SH3D19: variants seen among roughly 807,000 people sequenced by gnomAD.
SH3D19 encodes the protein SH3 domain containing 19.
Under a neutral mutation model 112.1 loss-of-function variants are expected in SH3D19, and 58 were observed. The ratio of observed to expected loss-of-function variants is 0.52; its 90% CI spans 0.42 to 0.64. The LOEUF (loss-of-function observed/expected upper bound fraction) is 0.64. SH3D19 is among the 30% of genes least tolerant of loss of function. SH3D19 has a pLI of 0.00. For missense variants in SH3D19, 1,090 were observed against 1,263.4 expected (o/e 0.86, Z 2.08); for synonymous variants, 391 against 448.5 (o/e 0.87, Z 1.62).
intron 3 of SH3D19, among the ~76,000 whole-genome samples, chr4:151,186,525 C>T (rs1761805419): frequency 6.6e-6 from 1 of 152,136 alleles, no homozygotes; most frequent in African/African-American, 2.4e-5. Flanking sequence ...CCTCCACCTC[C>T]TGGGTTCAAG....
In SH3D19 at chr4:151,315,554, T is replaced by G. The variant is rs572143102; in HGVS notation, c.112+9687A>C. On this transcript the variant is annotated intron_variant, in intron 1 of 19. Transcript: ENST00000604030. ...AGACATCCATACAGATCAGATATTT[T>G]GGACAGAATTAGGATGGAGAAATTG... Among the ~76,000 whole-genome samples, 9 of 152,308 alleles carry G rather than the reference T, an allele frequency of 5.9e-5. No homozygotes were observed. In the South Asian group the frequency reaches 1.9e-3, roughly 32 times the overall value.
At chr4:151,274,241 ATTTTTTTCACGTGTTCAC>A (rs1488622815) in intron 1 of SH3D19, among the ~76,000 whole-genome samples, 1 of 152,168 alleles carries the variant, frequency 6.6e-6, no homozygotes, top group Admixed American at 6.5e-5. Flanking sequence ...AAATGGAGAG[ATTTTTTTCACGTGTTCAC>A]TTCTAAAATC....
intron 1 of SH3D19, among the ~76,000 whole-genome samples, chr4:151,258,126 G>T (rs191979523): frequency 1.1e-4 from 16 of 152,098 alleles, no homozygotes; most frequent in African/African-American, 3.9e-4. Flanking sequence ...TCTCCCACTA[G>T]ATGTAAACTC....
intron 1 of SH3D19, among the ~76,000 whole-genome samples, chr4:151,277,479 T>C: frequency 6.6e-6 from 1 of 152,212 alleles, no homozygotes; most frequent in Middle Eastern, 3.4e-3. Flanking sequence ...GTGTAAATTA[T>C]AAGGCTTGTT....
rs1747831520 is a variant in SH3D19 at position 151,120,495 on chromosome 4, G to C, written c.*1596C>G. 6.6e-6 allele frequency: 1 copy of C among 152,304 alleles called. No homozygotes were observed. The highest frequency in any genetic ancestry group is 2.4e-5 in the African/African-American group (1 of 41,438). 9.4% of individuals were successfully genotyped at this position (152,304 alleles called of 1,614,324 possible). Reference sequence around the variant, plus strand: ...TATCCTTCCTGCTGTTGTACAGTTTGCTGCAAATGATAATTTAATTTGGAT... The same window carrying C: ...TATCCTTCCTGCTGTTGTACAGTTTCCTGCAAATGATAATTTAATTTGGAT... On this transcript the variant is annotated 3_prime_UTR_variant, in exon 20 of 20. Transcript: ENST00000604030.
intron 2 of SH3D19, among the ~76,000 whole-genome samples, chr4:151,225,743 T>C (rs1301332174): frequency 2.0e-5 from 3 of 152,152 alleles, no homozygotes; most frequent in Non-Finnish European, 4.4e-5. Flanking sequence ...ACAAAAATAC[T>C]GGTTAAAGGG....
chr4:151,190,816 G>A (rs1762495789), intron 2 of SH3D19, among the ~76,000 whole-genome samples: 1 of 152,206 alleles, frequency 6.6e-6, no homozygotes, highest in Non-Finnish European at 1.5e-5. Flanking sequence ...AGTCCCTACT[G>A]GGGCATCGCC....
chr4:151,195,233 A>G (rs1383029451), intron 2 of SH3D19, among the ~76,000 whole-genome samples: 4 of 150,954 alleles, frequency 2.6e-5, no homozygotes, highest in African/African-American at 9.7e-5. Context: ...TTAGCCGGGC[A>G]TGATGGCGGG....
At chr4:151,281,412 C>A (rs535427072) in intron 1 of SH3D19, among the ~76,000 whole-genome samples, 1 of 151,990 alleles carries the variant, frequency 6.6e-6, no homozygotes, top group Non-Finnish European at 1.5e-5. Flanking sequence ...ACTGATCTAA[C>A]GAAAAGTTAT....
chr4:151,228,415 C>T (rs1240421498), intron 1 of SH3D19, among the ~76,000 whole-genome samples: 1 of 152,122 alleles, frequency 6.6e-6, no homozygotes, highest in Non-Finnish European at 1.5e-5. Context: ...TCAAAGTATA[C>T]AAATATTTGG....
intron 1 of SH3D19, among the ~76,000 whole-genome samples, chr4:151,257,774 T>C (rs986054592): frequency 2.0e-5 from 3 of 152,044 alleles, no homozygotes; most frequent in African/African-American, 7.2e-5. Context: ...CCAGGTGTGG[T>C]GGCGCATGCC....
chr4:151,205,136 C>T lies in SH3D19; in HGVS notation c.153-17673G>A, dbSNP rs1041086794. Among the ~76,000 whole-genome samples, 15 of 152,116 alleles carry T rather than the reference C, an allele frequency of 9.9e-5. No homozygotes were observed. The Middle Eastern group carries it at 0.01, about 103-fold the overall frequency. On this transcript the variant is annotated intron_variant, in intron 2 of 19. Coordinates refer to ENST00000604030, the MANE Select transcript of SH3D19 (RefSeq NM_001378122.1). ...GGTGCCCGGCCAAGTCTGTTCTTTA[C>T]GCAAATAGAAGGCCAAAGAGAAGAG...
Position 151,175,687 on chromosome 4 carries a change from A to G in SH3D19, c.530-13T>C. 8.1e-7 allele frequency: 1 copy of G among 1,241,636 alleles called. No individual in the cohort carries two copies. Among genetic ancestry groups the G allele is most frequent in the South Asian group, 4.0e-5 (1 of 25,196 alleles). The allele number at this position is 1,241,636 out of a possible 1,614,324, so 76.9% of individuals were successfully genotyped here. A position where few individuals can be genotyped will look rare whatever the true frequency, so the allele number is the denominator to read the frequency against. ...GGTGCCTGTAGTGCTGACGAGACCAAAACAAAACCAAAACAAATAAAAACA... is the reference window on the plus strand; with the variant it reads ...GGTGCCTGTAGTGCTGACGAGACCAGAACAAAACCAAAACAAATAAAAACA... On this transcript the variant is annotated splice_polypyrimidine_tract_variant and intron_variant, in intron 6 of 19. Transcript: ENST00000604030.
At chr4:151,232,506 C>G (rs746296459) in intron 1 of SH3D19, among the ~76,000 whole-genome samples, 33 of 152,184 alleles carry the variant, frequency 2.2e-4, no homozygotes, top group Non-Finnish European at 3.7e-4. Flanking sequence ...AAAAGGCCAG[C>G]TATTAACTAG....
At chr4:151,165,239 G>A (rs1757799480) in intron 8 of SH3D19, among the ~76,000 whole-genome samples, 1 of 152,134 alleles carries the variant, frequency 6.6e-6, no homozygotes, top group Non-Finnish European at 1.5e-5. Context: ...CTACTCAGGA[G>A]GCTAAGACAG....
Position 151,176,899 on chromosome 4 carries a change from G to C in SH3D19, c.293C>G (p.Pro98Arg). Residue 98 changes from proline to arginine, a missense_variant, in exon 5 of 20, where the codon CCA becomes CGA. By Grantham distance (103) the Pro-to-Arg change is moderately radical. Coordinates refer to ENST00000604030, the MANE Select transcript of SH3D19 (RefSeq NM_001378122.1). ...TCCCAGTCCTGGGGGTGGGGTTCCT[G>C]GAAACCACGAGGCTGGCCTCAGTGG... Reference protein sequence around the residue: ...AEPLRPASWFPGTPPPGLGFP... With the variant: ...AEPLRPASWFRGTPPPGLGFP... 1 of 1,232,228 alleles carries C rather than the reference G, an allele frequency of 8.1e-7. No individual in the cohort carries two copies. The highest frequency in any genetic ancestry group is 1.0e-6 in the Non-Finnish European group (1 of 987,992). 76.3% of individuals were successfully genotyped at this position (1,232,228 alleles called of 1,614,324 possible).
intron 9 of SH3D19, among the ~76,000 whole-genome samples, chr4:151,149,857 G>T (rs1262720121): frequency 1.3e-5 from 2 of 152,000 alleles, no homozygotes; most frequent in Non-Finnish European, 2.9e-5. Flanking sequence ...AGATATTGAG[G>T]GAAAATTTAA....
Position 151,325,364 on chromosome 4 carries a change from G to A in SH3D19, c.-12C>T. The A allele has an allele frequency of 8.4e-7, 1 of 1,196,976 alleles. No individual in the cohort carries two copies. 74.1% of individuals were successfully genotyped at this position (1,196,976 alleles called of 1,614,324 possible). On this transcript the variant is annotated 5_prime_UTR_variant, in exon 1 of 20. Transcript: ENST00000604030. ...CGGCCCTCAGCCATGGGCGAGGCGC[G>A]GGGCGCAGCCGCGGGATGGCCAGCG...
At chr4:151,256,752 T>C (rs1771958511) in intron 1 of SH3D19, among the ~76,000 whole-genome samples, 1 of 151,570 alleles carries the variant, frequency 6.6e-6, no homozygotes, top group South Asian at 2.1e-4. Context: ...TTATTATTAT[T>C]ATTTTGATAG....
Sources: allele counts gnomAD v4.1 joint callset (sites outside exome capture counted in the v4.1 genomes callset), GRCh38; gene constraint gnomAD v4.1.1; transcripts MANE v1.5; gene names NCBI Gene and HGNC (gene_info 2026-07-23, HGNC 2026-07-21).